Variants in KIF13B observed in about 807,000 individuals in gnomAD.
The protein encoded by KIF13B is kinesin family member 13B.
A neutral mutation model predicts 222.0 loss-of-function variants in KIF13B; 127 were observed. The ratio of observed to expected loss-of-function variants is 0.57; its 90% CI spans 0.50 to 0.66. The LOEUF (loss-of-function observed/expected upper bound fraction) is 0.66. Among genes scored for constraint, KIF13B ranks in the 30% least tolerant of loss-of-function variants. The probability of loss-of-function intolerance (pLI) is 0.00; values close to 1 mark genes in which losing one functional copy is unlikely to be tolerated. For synonymous variants in KIF13B, 976 were observed against 919.0 expected (o/e 1.06, Z -1.12); for missense variants, 2,173 against 2,379.0 (o/e 0.91, Z 1.80).
intron 21 of KIF13B, among the ~76,000 whole-genome samples, chr8:29,137,986 T>C (rs1429019455): frequency 6.6e-6 from 1 of 152,064 alleles, no homozygotes. Flanking sequence ...AGTCCAAGAG[T>C]TCATAATCAT....
intron 37 of KIF13B, among the ~76,000 whole-genome samples, chr8:29,085,849 C>CAAAAAAA (rs752162185): frequency 3.0e-5 from 2 of 67,354 alleles, no homozygotes; most frequent in Non-Finnish European, 6.5e-5. Flanking sequence ...GAGCCCGTAA[C>CAAAAAAA]AAAAAAAAAA....
intron 13 of KIF13B, among the ~76,000 whole-genome samples, chr8:29,156,163 G>T (rs979783181): frequency 4.6e-5 from 7 of 152,028 alleles, no homozygotes; most frequent in African/African-American, 1.7e-4. Flanking sequence ...TACAGACAGG[G>T]TTTCACCATG....
chr8:29,132,963 A>G (rs559222195), intron 22 of KIF13B, among the ~76,000 whole-genome samples: 4 of 152,366 alleles, frequency 2.6e-5, no homozygotes, highest in African/African-American at 7.2e-5. Flanking sequence ...GTCCATCTTT[A>G]TAAGATAGCA....
intron 29 of KIF13B, among the ~76,000 whole-genome samples, chr8:29,121,846 C>A (rs1262407163): frequency 3.3e-5 from 5 of 151,352 alleles, no homozygotes; most frequent in African/African-American, 1.2e-4. Context: ...CACAAGAACT[C>A]ATAGAAAAAG....
chr8:29,188,757 T>A, intron 4 of KIF13B, 150 bp from the exon 5 acceptor site: 2 of 607,474 alleles, frequency 3.3e-6, no homozygotes, highest in South Asian at 2.1e-5. Flanking sequence ...CCCAAAGGCT[T>A]ATGCCTTCCA....
chr8:29,233,118 T>C (rs1049216864), intron 2 of KIF13B, among the ~76,000 whole-genome samples: 2 of 152,168 alleles, frequency 1.3e-5, no homozygotes, highest in African/African-American at 4.8e-5. Flanking sequence ...ATCATGCCAC[T>C]GCACTCTAGC....
intron 2 of KIF13B, among the ~76,000 whole-genome samples, chr8:29,197,844 C>A (rs1407150267): frequency 1.3e-5 from 2 of 152,134 alleles, no homozygotes; most frequent in African/African-American, 2.4e-5. Flanking sequence ...TACATAATAA[C>A]AGGGCAATAC....
intron 37 of KIF13B, among the ~76,000 whole-genome samples, chr8:29,086,132 G>A (rs1168442481): frequency 6.6e-6 from 1 of 152,010 alleles, no homozygotes; most frequent in Admixed American, 6.6e-5. Context: ...AATTCCAACT[G>A]GTCACTGCAT....
chr8:29,071,887 C>A lies in KIF13B; in HGVS notation c.4951G>T (p.Val1651Leu), dbSNP rs1363427123. The A allele has an allele frequency of 2.0e-6, 3 of 1,518,952 alleles. No individual in the cohort carries two copies. The highest frequency in any genetic ancestry group is 1.8e-6 in the Non-Finnish European group (2 of 1,140,874). 94.1% of individuals were successfully genotyped at this position (1,518,952 alleles called of 1,614,324 possible). A position where few individuals can be genotyped will look rare whatever the true frequency, so the allele number is the denominator to read the frequency against. The change falls in exon 39 of 40, where the codon GTG becomes TTG. Residue 1651 changes from valine (V) to leucine (L), a missense_variant. Coordinates refer to ENST00000524189, the MANE Select transcript of KIF13B (RefSeq NM_015254.4). The surrounding 1 kb of genome is among the most constrained non-coding windows in gnomAD (Gnocchi z 4.9). ...APGSPFRVRRVRASELRSFSR... is the reference protein window; with the variant it reads ...APGSPFRVRRLRASELRSFSR... The stretch of plus-strand genomic sequence containing the variant: ...AAGGAGCGCAACTCCGAGGCCCGCA[C>A]CCTCCGGACGCGGAACGGGGAGCCG...
At chr8:29,084,475 T>C (rs1331998320) in intron 37 of KIF13B, among the ~76,000 whole-genome samples, 2 of 152,182 alleles carry the variant, frequency 1.3e-5, no homozygotes, top group Non-Finnish European at 2.9e-5. Context: ...CAAGCCTTTA[T>C]CTACCTACCA....
Position 29,146,366 on chromosome 8 carries a change from C to T in KIF13B, c.2187+12G>A, listed in dbSNP as rs370206351. The T allele has an allele frequency of 3.6e-5, 58 of 1,613,184 alleles. No individual in the cohort carries two copies. Among genetic ancestry groups the T allele is most frequent in the African/African-American group, 2.3e-4 (17 of 74,816 alleles). On this transcript the variant is annotated intron_variant, in intron 18 of 39. Transcript: ENST00000524189. ...TGAGATCTTTGTTTTTTTCAAGGAA[C>T]GGCAACCTCACCTTCCTGTTGGCAT...
chr8:29,232,247 A>AG (rs1815317994), intron 2 of KIF13B, among the ~76,000 whole-genome samples: 1 of 151,862 alleles, frequency 6.6e-6, no homozygotes, highest in African/African-American at 2.4e-5. Context: ...TGGGCAACAG[A>AG]GTGAGACTCT....
At chr8:29,157,108 G>GA (rs954281920) in intron 13 of KIF13B, among the ~76,000 whole-genome samples, 1 of 151,820 alleles carries the variant, frequency 6.6e-6, no homozygotes, top group African/African-American at 2.4e-5. Flanking sequence ...GGTCTATCAA[G>GA]AATAAGCTTG....
intron 37 of KIF13B, among the ~76,000 whole-genome samples, chr8:29,075,857 GAGGA>G (rs1237242681): frequency 6.6e-6 from 1 of 152,240 alleles, no homozygotes; most frequent in Non-Finnish European, 1.5e-5. Context: ...CTACTCAGGA[GAGGA>G]AGGGGGTCCC....
chr8:29,139,237 C>A (rs1204562227), intron 21 of KIF13B, among the ~76,000 whole-genome samples: 1 of 152,156 alleles, frequency 6.6e-6, no homozygotes, highest in African/African-American at 2.4e-5. Context: ...GAATGTACTA[C>A]TTTTTTTCAG....
intron 35 of KIF13B, among the ~76,000 whole-genome samples, chr8:29,100,922 T>C (rs900301087): frequency 2.0e-5 from 3 of 152,184 alleles, no homozygotes; most frequent in Non-Finnish European, 1.5e-5. Flanking sequence ...CCCTAAGTGA[T>C]CTGGGTCCTG....
intron 12 of KIF13B, among the ~76,000 whole-genome samples, chr8:29,161,177 G>A (rs766614659): frequency 1.1e-4 from 17 of 152,016 alleles, no homozygotes; most frequent in Non-Finnish European, 2.2e-4. Flanking sequence ...ATATATAAAA[G>A]CAAAAGTGTG....
At chr8:29,112,174 G>A (rs1471744419) in intron 32 of KIF13B, among the ~76,000 whole-genome samples, 4 of 152,188 alleles carry the variant, frequency 2.6e-5, no homozygotes, top group African/African-American at 9.7e-5. Context: ...TCTCCGGCCA[G>A]GCATAGTGGC....
At chr8:29,152,620 T>A (rs60854713) in intron 14 of KIF13B, among the ~76,000 whole-genome samples, 4 of 41,744 alleles carry the variant, frequency 9.6e-5, no homozygotes, top group Admixed American at 1.8e-4. Context: ...TAAAAAAAAA[T>A]TTTTTTTGAG....
Sources: gnomAD v4.1 joint callset for allele counts (sites outside exome capture counted in the v4.1 genomes callset) on GRCh38, gnomAD v4.1.1 for gene constraint, Gnocchi (gnomAD v3.1) non-coding constraint, MANE v1.5 for transcripts, NCBI Gene and HGNC (gene_info 2026-07-23, HGNC 2026-07-21) for gene names.